The following SYT1 variants were observed in gnomAD, a reference collection of about 807,000 sequenced individuals.
SYT1 encodes synaptotagmin 1, also known as synaptotagmin-1.
In SYT1, 8 loss-of-function variants were observed where a neutral mutation model predicts 44.8. The ratio of observed to expected loss-of-function variants is 0.18; its 90% CI spans 0.10 to 0.32. SYT1 has a LOEUF of 0.32. Ranked by LOEUF, SYT1 falls within the 10% of genes least tolerant of loss-of-function variation. The probability of loss-of-function intolerance (pLI) is 1.00; values close to 1 mark genes in which losing one functional copy is unlikely to be tolerated. For missense variants in SYT1, 286 were observed against 509.3 expected (o/e 0.56, Z 4.22); for synonymous variants, 154 against 188.8 (o/e 0.82, Z 1.51).
At chr12:79,405,906 C>T (rs1174167262) in intron 9 of SYT1, among the ~76,000 whole-genome samples, 4 of 151,996 alleles carry the variant, frequency 2.6e-5, no homozygotes, top group Non-Finnish European at 4.4e-5. Flanking sequence ...CTCAGAAATC[C>T]CACTCAGACT....
At chr12:78,998,915 G>A (rs1182176491) in intron 2 of SYT1, among the ~76,000 whole-genome samples, 2 of 152,124 alleles carry the variant, frequency 1.3e-5, no homozygotes, top group Non-Finnish European at 2.9e-5. Context: ...TCAATATCTT[G>A]AGTTTCCGTA....
At chr12:79,051,768 A>G (rs1333123938) in intron 3 of SYT1, among the ~76,000 whole-genome samples, 2 of 151,936 alleles carry the variant, frequency 1.3e-5, no homozygotes, top group African/African-American at 4.8e-5. Flanking sequence ...ATTTAATTTA[A>G]AATTCTTATA....
intron 4 of SYT1, among the ~76,000 whole-genome samples, chr12:79,253,355 T>C (rs1308966009): frequency 6.6e-6 from 1 of 152,154 alleles, no homozygotes; most frequent in Non-Finnish European, 1.5e-5. Context: ...GTATCTGTTA[T>C]GGTGATCGGT....
At chr12:79,114,942 G>A (rs994744989) in intron 3 of SYT1, among the ~76,000 whole-genome samples, 10 of 152,146 alleles carry the variant, frequency 6.6e-5, no homozygotes, top group East Asian at 3.9e-4. Flanking sequence ...ACTGGAATAT[G>A]TTAGTATATG....
chr12:79,297,856 A>G (rs1178763051), intron 7 of SYT1, among the ~76,000 whole-genome samples: 1 of 152,174 alleles, frequency 6.6e-6, no homozygotes, highest in Non-Finnish European at 1.5e-5. Flanking sequence ...GGAACTCAAC[A>G]TGCCCCAAAT....
chr12:79,113,419 G>A (rs989466397), intron 3 of SYT1, among the ~76,000 whole-genome samples: 5 of 152,012 alleles, frequency 3.3e-5, no homozygotes, highest in Admixed American at 6.6e-5. Flanking sequence ...TTGAAACTAC[G>A]TTGTATTCGT....
At chr12:79,268,109 G>A (rs1878227529) in intron 4 of SYT1, among the ~76,000 whole-genome samples, 1 of 152,168 alleles carries the variant, frequency 6.6e-6, no homozygotes, top group Non-Finnish European at 1.5e-5. Flanking sequence ...AGCACAGGAA[G>A]TACAGAAATC....
intron 4 of SYT1, among the ~76,000 whole-genome samples, chr12:79,222,352 T>A (rs1433311896): frequency 6.6e-6 from 1 of 150,582 alleles, no homozygotes; most frequent in African/African-American, 2.4e-5. Context: ...GTTTAAGAAA[T>A]TTTCTGCTAC....
intron 4 of SYT1, among the ~76,000 whole-genome samples, chr12:79,252,345 T>C (rs1321389063): frequency 6.6e-6 from 1 of 152,162 alleles, no homozygotes; most frequent in Non-Finnish European, 1.5e-5. Flanking sequence ...ATCATCATCA[T>C]CACCATATTT....
At chr12:78,947,615 T>C (rs1311989675) in intron 1 of SYT1, among the ~76,000 whole-genome samples, 2 of 152,076 alleles carry the variant, frequency 1.3e-5, no homozygotes, top group African/African-American at 2.4e-5. Flanking sequence ...AGGCTGTTCA[T>C]ATTCTCAGTG....
At chr12:79,045,009 C>A (rs532531325) in intron 2 of SYT1, among the ~76,000 whole-genome samples, 1 of 152,250 alleles carries the variant, frequency 6.6e-6, no homozygotes, top group South Asian at 2.1e-4. Flanking sequence ...CTGGGAGAAC[C>A]ACTGCTCTCT....
intron 3 of SYT1, among the ~76,000 whole-genome samples, chr12:79,051,434 T>G (rs962399546): frequency 6.6e-6 from 1 of 150,522 alleles, no homozygotes; most frequent in Admixed American, 6.7e-5. Context: ...AAGAGAGAGG[T>G]AATCTGAGTC....
At chr12:79,163,581 G>A (rs17005326) in intron 3 of SYT1, among the ~76,000 whole-genome samples, 17,200 of 152,048 alleles carry the variant, frequency 0.11, 1,532 homozygotes, top group African/African-American at 0.25. Context: ...AGCCTCACAA[G>A]GTCAGTAATT....
In SYT1 at chr12:79,122,960, A is replaced by G. The variant is rs554660972; in HGVS notation, c.-18+75598A>G. Among the ~76,000 whole-genome samples the G allele has an allele frequency of 2.0e-5, 3 of 152,346 alleles. No homozygotes were observed. The South Asian group carries it at 6.2e-4, about 32-fold the overall frequency. On this transcript the variant is annotated intron_variant, in intron 3 of 10. Transcript: ENST00000261205. ...TCATTTTTAAAAGCAGTTTCACTGAAAATGAAGAATGATAATGAGAAGAGA... is the reference window on the plus strand; with the variant it reads ...TCATTTTTAAAAGCAGTTTCACTGAGAATGAAGAATGATAATGAGAAGAGA...
At chr12:79,321,335 T>A (rs185046279) in intron 8 of SYT1, among the ~76,000 whole-genome samples, 1 of 152,300 alleles carries the variant, frequency 6.6e-6, no homozygotes, top group Admixed American at 6.5e-5. Flanking sequence ...TATTGGGAGT[T>A]CAGGAAATGT....
intron 2 of SYT1, among the ~76,000 whole-genome samples, chr12:79,026,832 A>G (rs946462509): frequency 2.0e-5 from 3 of 150,734 alleles, no homozygotes; most frequent in African/African-American, 7.3e-5. Context: ...TTTCCTTTGG[A>G]TTTATCAAGA....
At chr12:79,255,397 C>T (rs1365460624) in intron 4 of SYT1, among the ~76,000 whole-genome samples, 1 of 152,182 alleles carries the variant, frequency 6.6e-6, no homozygotes, top group Non-Finnish European at 1.5e-5. Context: ...ATATACTTAA[C>T]AGGCTACAGT....
At chr12:79,308,438 G>T (rs1041269030) in intron 8 of SYT1, among the ~76,000 whole-genome samples, 1 of 149,904 alleles carries the variant, frequency 6.7e-6, no homozygotes, top group Non-Finnish European at 1.5e-5. Flanking sequence ...GCCAGGAGGC[G>T]GAGCTTGCAT....
chr12:78,915,188 G>A (rs763358584), intron 1 of SYT1, among the ~76,000 whole-genome samples: 18 of 152,042 alleles, frequency 1.2e-4, no homozygotes, highest in Non-Finnish European at 2.2e-4. Context: ...TAAAAATGCA[G>A]TCAGATCACT....
Sources: gnomAD v4.1 joint callset for allele counts (sites outside exome capture counted in the v4.1 genomes callset) on GRCh38, gnomAD v4.1.1 for gene constraint, MANE v1.5 for transcripts, NCBI Gene and HGNC (gene_info 2026-07-23, HGNC 2026-07-21) for gene names.